PPARD: variants seen among roughly 807,000 people sequenced by gnomAD.
PPARD encodes peroxisome proliferator activated receptor delta, also known as peroxisome proliferator-activated receptor delta.
Under a neutral mutation model 39.5 loss-of-function variants are expected in PPARD, and 6 were observed. The observed-to-expected ratio is 0.15, with a 90% CI of 0.08 to 0.30. PPARD has a LOEUF of 0.30. PPARD is among the 10% of genes least tolerant of loss of function. The probability of loss-of-function intolerance (pLI) is 1.00; values close to 1 mark genes in which losing one functional copy is unlikely to be tolerated. For missense variants in PPARD, 397 were observed against 596.8 expected (o/e 0.67, Z 3.49); for synonymous variants, 210 against 231.3 (o/e 0.91, Z 0.83).
chr6:35,383,039 G>C (rs530082047), intron 2 of PPARD, among the ~76,000 whole-genome samples: 2 of 152,236 alleles, frequency 1.3e-5, no homozygotes, highest in Non-Finnish European at 2.9e-5. Context: ...TTGTGGGCAA[G>C]GGTGTGACAG....
intron 2 of PPARD, among the ~76,000 whole-genome samples, chr6:35,400,732 C>T (rs1390220040): frequency 1.3e-5 from 2 of 151,598 alleles, no homozygotes; most frequent in Non-Finnish European, 2.9e-5. Flanking sequence ...CCTAGGAAAT[C>T]GAGGCTGCAG....
At chr6:35,390,469 G>A (rs1436244401) in intron 2 of PPARD, among the ~76,000 whole-genome samples, 1 of 152,136 alleles carries the variant, frequency 6.6e-6, no homozygotes, top group Non-Finnish European at 1.5e-5. Flanking sequence ...AACGAAGGCT[G>A]GCCATCAAGA....
intron 2 of PPARD, among the ~76,000 whole-genome samples, chr6:35,385,591 C>A (rs1232274067): frequency 1.4e-4 from 18 of 132,974 alleles, no homozygotes; most frequent in African/African-American, 4.7e-4. Flanking sequence ...ATGACCCTGC[C>A]AAATCCCCCT....
rs1395139666 is a variant in PPARD, at chr6:35,366,447, A to T, written c.-102+19297A>T. 1.3e-5 allele frequency among the ~76,000 whole-genome samples: 2 copies of T among 151,766 alleles called. No homozygotes were observed. Among genetic ancestry groups the T allele is most frequent in the Non-Finnish European group, 2.9e-5 (2 of 68,038 alleles). ...TATACAGGACAATTAATCTGATAGC[A>T]TTTATGCTAGAGGGGTCAAAATGGA... On this transcript the variant is annotated intron_variant, in intron 2 of 7. Transcript: ENST00000360694. This position sits in a 1 kb window ranked among gnomAD's most constrained non-coding sequence, Gnocchi z 4.6.
chr6:35,357,348 A>G lies in PPARD; in HGVS notation c.-102+10198A>G, dbSNP rs372124602. Reference sequence around the variant, plus strand: ...TTCTTTGCAGCCCCCTCTCCTGTGTAAAAGCCTTTAGGAAAGTGCAGAGAT... The same window carrying G: ...TTCTTTGCAGCCCCCTCTCCTGTGTGAAAGCCTTTAGGAAAGTGCAGAGAT... On this transcript the variant is annotated intron_variant, in intron 2 of 7. Coordinates refer to ENST00000360694, the MANE Select transcript of PPARD (RefSeq NM_006238.5). 3.9e-4 allele frequency among the ~76,000 whole-genome samples: 59 copies of G among 152,226 alleles called. 1 individual carries two copies. Among genetic ancestry groups the G allele is most frequent in the African/African-American group, 1.4e-3 (57 of 41,538 alleles).
intron 1 of PPARD, among the ~76,000 whole-genome samples, chr6:35,343,638 T>C (rs747222127): frequency 1.3e-5 from 2 of 152,256 alleles, no homozygotes; most frequent in African/African-American, 4.8e-5. Flanking sequence ...TCAGAGATGA[T>C]GTCCAATTTG....
At chr6:35,370,424 G>T (rs1346784050) in intron 2 of PPARD, among the ~76,000 whole-genome samples, 1 of 152,184 alleles carries the variant, frequency 6.6e-6, no homozygotes, top group East Asian at 1.9e-4. Flanking sequence ...TGATTGGAGT[G>T]CCTTTTGAAG....
intron 2 of PPARD, among the ~76,000 whole-genome samples, chr6:35,396,330 G>T (rs200587642): frequency 1.3e-5 from 2 of 150,704 alleles, no homozygotes; most frequent in Non-Finnish European, 3.0e-5. Context: ...TCAGCCTCCC[G>T]AGTAGCTGGG....
intron 5 of PPARD, among the ~76,000 whole-genome samples, chr6:35,423,202 G>A (rs1766309058): frequency 6.6e-6 from 1 of 151,864 alleles, no homozygotes; most frequent in Non-Finnish European, 1.5e-5. Context: ...CTGTACTCCA[G>A]CCTGGATGAG....
Position 35,426,208 on chromosome 6 carries a change from G to A in PPARD, c.*129G>A. 1 of 1,273,804 alleles carries A rather than the reference G, an allele frequency of 7.9e-7. No homozygotes were observed. Among genetic ancestry groups the A allele is most frequent in the African/African-American group, 1.5e-5 (1 of 66,862 alleles). The allele number at this position is 1,273,804 out of a possible 1,614,324, so 78.9% of individuals were successfully genotyped here. On this transcript the variant is annotated 3_prime_UTR_variant, in exon 8 of 8. Coordinates refer to ENST00000360694, the MANE Select transcript of PPARD (RefSeq NM_006238.5). Reference sequence around the variant, plus strand: ...CAGCAGAGTCCCACGATCGCCCTCAGACACATGACACCCACGGCCTCTGGC... The same window carrying A: ...CAGCAGAGTCCCACGATCGCCCTCAAACACATGACACCCACGGCCTCTGGC...
intron 2 of PPARD, among the ~76,000 whole-genome samples, chr6:35,354,913 C>A (rs892716531): frequency 7.2e-5 from 11 of 152,300 alleles, no homozygotes; most frequent in African/African-American, 2.6e-4. Context: ...TGACTCAGCT[C>A]CAGTGTTGAC....
intron 2 of PPARD, among the ~76,000 whole-genome samples, chr6:35,408,258 T>G (rs1007619705): frequency 6.6e-5 from 10 of 152,246 alleles, no homozygotes; most frequent in African/African-American, 2.4e-4. Context: ...CCTGGTAGAT[T>G]TCTGTTCACA....
intron 2 of PPARD, among the ~76,000 whole-genome samples, chr6:35,409,461 C>T (rs983132679): frequency 3.3e-5 from 5 of 151,850 alleles, no homozygotes; most frequent in Admixed American, 6.6e-5. Flanking sequence ...GCCATGATTG[C>T]GCCACTGCAC....
chr6:35,349,261 G>A (rs1467610822), intron 2 of PPARD, among the ~76,000 whole-genome samples: 2 of 151,902 alleles, frequency 1.3e-5, no homozygotes, highest in Non-Finnish European at 1.5e-5. Context: ...TCCTGACCTC[G>A]TGATCCACCG....
intron 2 of PPARD, among the ~76,000 whole-genome samples, chr6:35,407,669 A>T (rs987762491): frequency 3.3e-5 from 5 of 150,706 alleles, no homozygotes; most frequent in Admixed American, 1.3e-4. Flanking sequence ...TAATAATAAT[A>T]AAATAAATAA....
intron 2 of PPARD, among the ~76,000 whole-genome samples, chr6:35,404,218 T>A (rs945726059): frequency 1.3e-5 from 2 of 152,176 alleles, no homozygotes; most frequent in Non-Finnish European, 2.9e-5. Flanking sequence ...ATCCTGCTTC[T>A]CTAGTTACTG....
At chr6:35,352,608 G>A (rs533134095) in intron 2 of PPARD, among the ~76,000 whole-genome samples, 1 of 152,178 alleles carries the variant, frequency 6.6e-6, no homozygotes, top group East Asian at 1.9e-4. Flanking sequence ...GGATTAACTG[G>A]GCCCAGCTGG....
intron 5 of PPARD, among the ~76,000 whole-genome samples, chr6:35,423,054 C>CAAAAAA (rs56317397): frequency 1.4e-5 from 1 of 71,702 alleles, no homozygotes; most frequent in Non-Finnish European, 2.4e-5. Flanking sequence ...CTCATCTCTA[C>CAAAAAA]AAAAAAAAAA....
At chr6:35,405,535 A>G (rs1330320713) in intron 2 of PPARD, among the ~76,000 whole-genome samples, 1 of 148,864 alleles carries the variant, frequency 6.7e-6, no homozygotes, top group Non-Finnish European at 1.5e-5. Flanking sequence ...GGGCGTGGAG[A>G]GGGGAGATAG....
Sources: gnomAD v4.1 joint callset for allele counts (sites outside exome capture counted in the v4.1 genomes callset) on GRCh38, gnomAD v4.1.1 for gene constraint, Gnocchi (gnomAD v3.1) non-coding constraint, MANE v1.5 for transcripts, NCBI Gene and HGNC (gene_info 2026-07-23, HGNC 2026-07-21) for gene names.